ATAD5: variants seen among roughly 807,000 people sequenced by gnomAD.
ATAD5 encodes ATPase family AAA domain-containing protein 5.
In ATAD5, 58 loss-of-function variants were observed where a neutral mutation model predicts 176.9. That is an observed-to-expected ratio of 0.33 (90% confidence interval 0.27 to 0.41). The LOEUF is 0.41. Ranked by LOEUF, ATAD5 falls within the 10% of genes least tolerant of loss-of-function variation. The pLI, the probability that ATAD5 is intolerant of heterozygous loss-of-function variation, is 1.00. For synonymous variants in ATAD5, 640 were observed against 712.6 expected, an observed-to-expected ratio of 0.90 and a Z score of 1.62; for missense variants, 1,789 against 2,094.1, an observed-to-expected ratio of 0.85 and a Z score of 2.84.
intron 18 of ATAD5, among the ~76,000 whole-genome samples, chr17:30,881,037 TAAA>T (rs1232632597): frequency 1.3e-5 from 2 of 152,000 alleles, no homozygotes; most frequent in African/African-American, 2.4e-5. Context: ...TTTTAACCTT[TAAA>T]AAGATAGTGT....
rs78682450 is a variant in ATAD5 at position 30,837,580 on chromosome 17, C to G, written c.2076+266C>G. ...TTTCTTAGTGAGTTTACATCGTGAT[C>G]ATTTTTCCTAACACTGCCGATCTTA... On this transcript the variant is annotated intron_variant, in intron 3 of 22. Coordinates refer to ENST00000321990, the MANE Select transcript of ATAD5 (RefSeq NM_024857.5). Among the ~76,000 whole-genome samples, 3 of 152,172 alleles carry G rather than the reference C, an allele frequency of 2.0e-5. No individual in the cohort carries two copies. The South Asian group carries it at 6.2e-4, about 31-fold the overall frequency.
chr17:30,845,749 G>T (rs1413750603), intron 6 of ATAD5, among the ~76,000 whole-genome samples: 1 of 152,178 alleles, frequency 6.6e-6, no homozygotes, highest in Non-Finnish European at 1.5e-5. Context: ...TGGAAGAGGG[G>T]TTAGAGTAGA....
At chr17:30,845,006 TATC>T (rs1380723220) in intron 6 of ATAD5, 90 bp downstream of exon 6, 11 of 1,168,254 alleles carry the variant, frequency 9.4e-6, no homozygotes, top group Non-Finnish European at 9.6e-6. Flanking sequence ...GCATGTGAAT[TATC>T]ATTTGAAGCT....
At chr17:30,873,404 G>A (rs777741176) in intron 14 of ATAD5, among the ~76,000 whole-genome samples, 9 of 149,378 alleles carry the variant, frequency 6.0e-5, no homozygotes, top group Non-Finnish European at 1.2e-4. Context: ...TGCAACCTCC[G>A]TCTCCCAGGT....
chr17:30,878,718 G>GGTTTTTTTTTTTTTTTT (rs1908812554), intron 17 of ATAD5, among the ~76,000 whole-genome samples: 1 of 56,838 alleles, frequency 1.8e-5, no homozygotes, highest in African/African-American at 6.6e-5. Context: ...GTTAGGTGGT[G>GGTTTTTTTTTTTTTTTT]TTTTTTTTTT....
chr17:30,850,552 G>A (rs1255517059), intron 6 of ATAD5, among the ~76,000 whole-genome samples: 1 of 151,426 alleles, frequency 6.6e-6, no homozygotes, highest in Non-Finnish European at 1.5e-5. Flanking sequence ...GAGACAAGTT[G>A]TTGCTGTGTT....
At chr17:30,836,991 A>G (rs980346929) in intron 2 of ATAD5, among the ~76,000 whole-genome samples, 1 of 152,036 alleles carries the variant, frequency 6.6e-6, no homozygotes, top group African/African-American at 2.4e-5. Context: ...CTGTCTATGC[A>G]TCTCTATCTA....
At chr17:30,848,185 C>T (rs989677631) in intron 6 of ATAD5, among the ~76,000 whole-genome samples, 7 of 152,082 alleles carry the variant, frequency 4.6e-5, no homozygotes, top group African/African-American at 1.7e-4. Flanking sequence ...GTTTTACACT[C>T]CCACCAGCAA....
At chr17:30,864,901 G>A (rs1351040310) in intron 10 of ATAD5, 1 of 148,412 alleles carries the variant, frequency 6.7e-6, no homozygotes, top group Non-Finnish European at 1.5e-5. Context: ...CCATTTTTGG[G>A]CACTTAGGTT....
In ATAD5 at chr17:30,860,512, A is replaced by G; in HGVS notation, c.3036A>G (p.Lys1012=). ...AAAATTCTAAGTCAAAAAGAAAGAAACCAAATGAGTATTCAAAAAATCTGG... is the reference window on the plus strand; with the variant it reads ...AAAATTCTAAGTCAAAAAGAAAGAAGCCAAATGAGTATTCAAAAAATCTGG... The part of the protein sequence containing the change: ...EAENSKSKRK[K]PNEYSKNLEK... Residue 1012 remains lysine (K), a synonymous_variant, in exon 10 of 23, where the codon AAA becomes AAG. Transcript: ENST00000321990. 1 of 1,600,258 alleles carries G rather than the reference A, an allele frequency of 6.2e-7. No homozygotes were observed. The highest frequency in any genetic ancestry group is 8.5e-7 in the Non-Finnish European group (1 of 1,177,248).
intron 9 of ATAD5, 123 bp downstream of exon 9, chr17:30,858,446 C>G (rs1357222201): frequency 3.0e-6 from 2 of 656,016 alleles, no homozygotes; most frequent in Non-Finnish European, 4.2e-6. Flanking sequence ...AGTGCAGTGG[C>G]ACAAACCTGG....
Position 30,865,684 on chromosome 17 carries a change from T to G in ATAD5, c.3137-20T>G. 1 of 1,087,102 alleles carries G rather than the reference T, an allele frequency of 9.2e-7. No homozygotes were observed. Among genetic ancestry groups the G allele is most frequent in the Non-Finnish European group, 1.3e-6 (1 of 798,996 alleles). 67.3% of individuals were successfully genotyped at this position (1,087,102 alleles called of 1,614,324 possible). A position where few individuals can be genotyped will look rare whatever the true frequency, so the allele number is the denominator to read the frequency against. On this transcript the variant is annotated intron_variant, in intron 10 of 22. Coordinates refer to ENST00000321990, the MANE Select transcript of ATAD5 (RefSeq NM_024857.5). ...TATGTCAAGGAATGAATACCTTAATTTTTTTTTTTTTTGCTTTAGATTCTG... is the reference window on the plus strand; with the variant it reads ...TATGTCAAGGAATGAATACCTTAATGTTTTTTTTTTTTGCTTTAGATTCTG...
intron 14 of ATAD5, among the ~76,000 whole-genome samples, chr17:30,871,282 T>C (rs1421186390): frequency 6.6e-6 from 1 of 151,488 alleles, no homozygotes; most frequent in Non-Finnish European, 1.5e-5. Flanking sequence ...CTGTAGGTTT[T>C]TGAACATATG....
rs771535296 is a variant in ATAD5 at position 30,893,830 on chromosome 17, A to G, written c.4977A>G (p.Leu1659=). The G allele has an allele frequency of 1.4e-5, 23 of 1,613,882 alleles. No individual in the cohort carries two copies. The highest frequency in any genetic ancestry group is 3.3e-5 in the Admixed American group (2 of 59,998). ...LSEFMDNMSF[L]DALLTDVREQ... is the part of the protein sequence containing the mutation. ...AGTTCATGGATAACATGTCCTTCTT[A>G]GATGCACTTTTAACTGATGTAAGGG... Residue 1659 remains leucine, a synonymous_variant, in exon 21 of 23, where the codon TTA becomes TTG. Coordinates refer to ENST00000321990, the MANE Select transcript of ATAD5 (RefSeq NM_024857.5).
At chr17:30,841,308 T>A (rs1328785293) in intron 4 of ATAD5, among the ~76,000 whole-genome samples, 1 of 151,612 alleles carries the variant, frequency 6.6e-6, no homozygotes, top group African/African-American at 2.4e-5. Flanking sequence ...AAACGACTCT[T>A]TGCTCTAGTC....
At chr17:30,874,822 G>A (rs1179726761) in intron 14 of ATAD5, among the ~76,000 whole-genome samples, 11 of 151,462 alleles carry the variant, frequency 7.3e-5, no homozygotes, top group Admixed American at 5.9e-4. Context: ...GTAGAGACAC[G>A]GTTTCACCAT....
chr17:30,879,029 G>A (rs1398945683), intron 17 of ATAD5, among the ~76,000 whole-genome samples: 1 of 152,132 alleles, frequency 6.6e-6, no homozygotes, highest in Non-Finnish European at 1.5e-5. Flanking sequence ...ACTGTGCCCA[G>A]CTGGTAGTTT....
chr17:30,878,939 TCAGGCTGGTCTC>T (rs1908847317), intron 17 of ATAD5, among the ~76,000 whole-genome samples: 1 of 151,856 alleles, frequency 6.6e-6, no homozygotes, highest in African/African-American at 2.4e-5. Context: ...ACCATATTGG[TCAGGCTGGTCTC>T]GAACTCCTGA....
At position 30,876,505 on chromosome 17, in the gene ATAD5, C is replaced by T. The variant is rs368235364; in HGVS notation, c.3739C>T (p.Pro1247Ser). 39 of 1,588,140 alleles carry T rather than the reference C, an allele frequency of 2.5e-5. No homozygotes were observed. Among genetic ancestry groups the T allele is most frequent in the South Asian group, 3.4e-5 (3 of 88,146 alleles). The change falls in exon 15 of 23, where the codon CCT (proline) becomes TCT (serine). Residue 1247 changes from proline to serine, a missense_variant. Pro to Ser is a moderately conservative substitution (Grantham distance 74). This residue lies in a region of ATAD5 where 194 missense variants were observed against 270.1 expected (regional missense o/e 0.72). Transcript: ENST00000321990. ...LANYFKVSPK[P>S]KNNEEIGMLL... ...AAATTATTTTAAAGTATCTCCCAAA[C>T]CTAAAAATAATGAAGAAATAGGAAT...
Sources: allele counts gnomAD v4.1 joint callset (sites outside exome capture counted in the v4.1 genomes callset), GRCh38; gene constraint gnomAD v4.1.1; regional missense constraint gnomAD v4.1.1; transcripts MANE v1.5; gene names NCBI Gene and HGNC (gene_info 2026-07-23, HGNC 2026-07-21).